Variants in ANLN observed in about 807,000 individuals in gnomAD.
ANLN encodes anillin.
Under a neutral mutation model 135.1 loss-of-function variants are expected in ANLN, and 59 were observed. The observed-to-expected ratio is 0.44, with a 90% CI of 0.35 to 0.54. The LOEUF (loss-of-function observed/expected upper bound fraction) is 0.54, where lower values mean the gene tolerates loss of function less well. Ranked by LOEUF, ANLN falls within the 20% of genes least tolerant of loss-of-function variation. The probability of loss-of-function intolerance (pLI) is 0.00; values close to 1 mark genes in which losing one functional copy is unlikely to be tolerated. For missense variants in ANLN, 1,182 were observed against 1,340.0 expected (o/e 0.88, Z 1.84); for synonymous variants, 406 against 456.4 (o/e 0.89, Z 1.41).
intron 1 of ANLN, 32 bp downstream of exon 1, chr7:36,390,076 A>AC: frequency 6.2e-7 from 1 of 1,612,952 alleles, no homozygotes; most frequent in South Asian, 1.1e-5. Context: ...GCCAGCCATG[A>AC]CCCACCGCTC....
chr7:36,400,801 T>C (rs1786914324), intron 3 of ANLN, among the ~76,000 whole-genome samples: 1 of 152,184 alleles, frequency 6.6e-6, no homozygotes, highest in Non-Finnish European at 1.5e-5. Flanking sequence ...CAGAATCACA[T>C]AGACCATAGG....
intron 22 of ANLN, among the ~76,000 whole-genome samples, chr7:36,446,505 G>A (rs896179634): frequency 4.6e-5 from 7 of 152,156 alleles, no homozygotes; most frequent in Admixed American, 1.3e-4. Flanking sequence ...GCCTCAGGGC[G>A]CTTTTACTCA....
At chr7:36,445,035 C>T (rs796072827) in intron 22 of ANLN, among the ~76,000 whole-genome samples, 4 of 152,058 alleles carry the variant, frequency 2.6e-5, no homozygotes, top group African/African-American at 9.6e-5. Context: ...TTCTCTCTCC[C>T]GCAGAGATAA....
chr7:36,440,172 C>T lies in ANLN; in HGVS notation c.2970+882C>T, dbSNP rs560875572. On this transcript the variant is annotated intron_variant, in intron 21 of 23. Coordinates refer to ENST00000265748, the MANE Select transcript of ANLN (RefSeq NM_018685.5). ...GTAGAGGTAAAGATGTGGATATCTGCAGCATGGGGAAGCCCAGGGCAAGTG... is the reference window on the plus strand; with the variant it reads ...GTAGAGGTAAAGATGTGGATATCTGTAGCATGGGGAAGCCCAGGGCAAGTG... 2.1e-4 allele frequency among the ~76,000 whole-genome samples: 32 copies of T among 152,310 alleles called. No homozygotes were observed. The South Asian group carries it at 6.4e-3, about 31-fold the overall frequency.
intron 10 of ANLN, 71 bp downstream of exon 10, chr7:36,419,550 T>C (rs962786094): frequency 3.8e-6 from 5 of 1,304,442 alleles, no homozygotes; most frequent in East Asian, 4.7e-5. Context: ...CCCCTTTCTT[T>C]TGTTGACAGA....
chr7:36,410,480 G>C (rs766201795), intron 5 of ANLN, 34 bp from the exon 6 acceptor site: 30 of 1,521,294 alleles, frequency 2.0e-5, no homozygotes, highest in Non-Finnish European at 2.5e-5. Flanking sequence ...TTTTTATTTT[G>C]AATAGCCTCC....
chr7:36,415,257 T>C (rs61407569), intron 7 of ANLN, among the ~76,000 whole-genome samples: 3,916 of 152,270 alleles, frequency 0.026, 256 homozygotes, highest in East Asian at 0.22. Context: ...TTGTTTTCTC[T>C]TGCTCTTACC....
At chr7:36,408,222 A>G (rs1787271552) in intron 5 of ANLN, among the ~76,000 whole-genome samples, 1 of 152,074 alleles carries the variant, frequency 6.6e-6, no homozygotes, top group African/African-American at 2.4e-5. Flanking sequence ...TTTTTTTTCT[A>G]TATTTTTTGA....
At chr7:36,425,643 A>T in intron 17 of ANLN, 59 bp from the exon 18 acceptor site, 1 of 1,325,676 alleles carries the variant, frequency 7.5e-7, no homozygotes, top group South Asian at 1.3e-5. Context: ...GGATAGTTTT[A>T]CTTTCTGAGA....
Position 36,417,199 on chromosome 7 carries a change from T to C in ANLN, c.1633+9T>C, listed in dbSNP as rs755678794. The C allele has an allele frequency of 6.8e-7, 1 of 1,471,844 alleles. No individual in the cohort carries two copies. Among genetic ancestry groups the C allele is most frequent in the Non-Finnish European group, 9.4e-7 (1 of 1,065,750 alleles). The allele number at this position is 1,471,844 out of a possible 1,614,324, so 91.2% of individuals were successfully genotyped here. A position where few individuals can be genotyped will look rare whatever the true frequency, so the allele number is the denominator to read the frequency against. On this transcript the variant is annotated intron_variant, in intron 9 of 23. Transcript: ENST00000265748. ...GGTTGAGCAGAAAATTGGTTGGTTT[T>C]TATTCTTTATTTATTATTAACTTTG...
chr7:36,449,471 TG>T (rs970446014), intron 22 of ANLN, 193 bp from the exon 23 acceptor site: 2 of 450,732 alleles, frequency 4.4e-6, no homozygotes, highest in African/African-American at 4.0e-5. Flanking sequence ...TTGATATTTT[TG>T]GGTTTTATTT....
chr7:36,390,248 A>C (rs1786379244), intron 1 of ANLN: 1 of 761,038 alleles, frequency 1.3e-6, no homozygotes, highest in Non-Finnish European at 2.1e-6. Flanking sequence ...TCGGTCCTAC[A>C]GATAAAACTC....
chr7:36,424,662 A>C (rs1334013523), intron 16 of ANLN, 24 bp from the exon 17 acceptor site: 2 of 1,607,194 alleles, frequency 1.2e-6, no homozygotes, highest in Non-Finnish European at 1.7e-6. Flanking sequence ...TTATAAATTA[A>C]TTATGCTTTG....
intron 22 of ANLN, among the ~76,000 whole-genome samples, chr7:36,444,252 G>A (rs188582199): frequency 7.3e-5 from 11 of 151,144 alleles, no homozygotes; most frequent in African/African-American, 2.2e-4. Context: ...ATCACGCCAC[G>A]GCACTCCAGC....
chr7:36,446,873 C>G (rs1789023960), intron 22 of ANLN, among the ~76,000 whole-genome samples: 1 of 152,144 alleles, frequency 6.6e-6, no homozygotes, highest in Admixed American at 6.5e-5. Context: ...TTCCTTTGGT[C>G]TGTTTCCCTA....
At chr7:36,416,825 G>A (rs937523781) in intron 8 of ANLN, among the ~76,000 whole-genome samples, 13 of 151,830 alleles carry the variant, frequency 8.6e-5, no homozygotes, top group Non-Finnish European at 1.3e-4. Flanking sequence ...GCTTATGGGA[G>A]TTACTTATGT....
At chr7:36,406,642 G>T in intron 4 of ANLN, 76 bp downstream of exon 4, 1 of 1,285,348 alleles carries the variant, frequency 7.8e-7, no homozygotes, top group South Asian at 2.3e-5. Flanking sequence ...CTGTGTGTAT[G>T]TGCAGGTGGA....
In ANLN at chr7:36,399,213, C is replaced by T; in HGVS notation, c.307C>T (p.Pro103Ser). The T allele has an allele frequency of 6.2e-7, 1 of 1,614,130 alleles. No individual in the cohort carries two copies. The highest frequency in any genetic ancestry group is 8.5e-7 in the Non-Finnish European group (1 of 1,180,024). The change falls in exon 3 of 24, where the codon CCT becomes TCT. Residue 103 changes from proline (P) to serine (S), a missense_variant. Around this residue, in one of 3 missense-constraint regions of ANLN, gnomAD observed 1,022 missense variants for 1,134.0 expected, o/e 0.90. Coordinates refer to ENST00000265748, the MANE Select transcript of ANLN (RefSeq NM_018685.5). ...AKSCSPSPVS[P>S]QVQPQAADTI... ...ATCTTGTTCTCCAAGTCCTGTGTCT[C>T]CTCAGGTGCAGCCACAAGCAGCAGA...
chr7:36,449,957 G>A, intron 23 of ANLN, 120 bp downstream of exon 23: 1 of 886,148 alleles, frequency 1.1e-6, no homozygotes, highest in Non-Finnish European at 1.6e-6. Context: ...GCCTTAGTGA[G>A]AAAACAAAAC....
Sources: allele counts gnomAD v4.1 joint callset (sites outside exome capture counted in the v4.1 genomes callset), GRCh38; gene constraint gnomAD v4.1.1; regional missense constraint gnomAD v4.1.1; transcripts MANE v1.5; gene names NCBI Gene and HGNC (gene_info 2026-07-23, HGNC 2026-07-21).